Variants in DDIT3 observed in about 807,000 individuals in gnomAD.
DDIT3 encodes DNA damage-inducible transcript 3 protein.
DDIT3 carries 14 observed loss-of-function variants against 17.6 expected under a neutral mutation model. That is an observed-to-expected ratio of 0.80 (90% CI 0.53 to 1.25). The LOEUF is 1.25. Among genes scored for constraint, DDIT3 ranks in the 50% most tolerant of loss-of-function variants. The pLI, the probability that DDIT3 is intolerant of heterozygous loss-of-function variation, is 0.00. For synonymous variants in DDIT3, 93 were observed against 76.5 expected (o/e 1.22, Z -1.13); for missense variants, 216 against 202.7 (o/e 1.07, Z -0.40).
chr12:57,517,649 TA>T (rs1343836284), intron 2 of DDIT3, 56 bp downstream of exon 2: 3 of 609,902 alleles, frequency 4.9e-6, no homozygotes, highest in Non-Finnish European at 8.6e-6. Context: ...TTTTAACATC[TA>T]AAATATTTAC....
intron 1 of DDIT3, 127 bp from the exon 2 acceptor site, chr12:57,517,880 G>A (rs1877994376): frequency 7.2e-6 from 3 of 413,988 alleles, no homozygotes; most frequent in South Asian, 1.8e-4. Flanking sequence ...AGGCTGAAGT[G>A]CAGTGGTGCG....
chr12:57,520,107 C>G (rs1268092028), intron 1 of DDIT3, among the ~76,000 whole-genome samples: 2 of 152,214 alleles, frequency 1.3e-5, no homozygotes, highest in Admixed American at 1.3e-4. Flanking sequence ...ACCTGCCTCC[C>G]CGCGGACAGG....
At position 57,516,805 on chromosome 12, in the gene DDIT3, T is replaced by C. The variant is rs971306627; in HGVS notation, c.*4A>G. ...CCAAGTGGGGGACTGATGCTCCCAA[T>C]TGTTCATGCTTGGTGCAGATTCACC... On this transcript the variant is annotated 3_prime_UTR_variant, in exon 4 of 4. Transcript: ENST00000346473. 6.8e-6 allele frequency: 11 copies of C among 1,608,110 alleles called. No individual in the cohort carries two copies. In the Admixed American group the frequency reaches 8.3e-5, roughly 12 times the overall value.
At chr12:57,519,358 T>C (rs528487530) in intron 1 of DDIT3, 5 of 383,612 alleles carry the variant, frequency 1.3e-5, no homozygotes, top group Non-Finnish European at 2.6e-5. Context: ...TTATATTTTG[T>C]TTACTGTAGG....
chr12:57,519,793 T>A (rs766925495), intron 1 of DDIT3, among the ~76,000 whole-genome samples: 1 of 152,190 alleles, frequency 6.6e-6, no homozygotes, highest in Admixed American at 6.5e-5. Context: ...CCAAATGGCC[T>A]CCTACACTTA....
At position 57,517,304 on chromosome 12, in the gene DDIT3, C is replaced by G. The variant is rs374855519; in HGVS notation, c.103G>C (p.Gly35Arg). ...LQEVLSSDEN[G>R]GTYVSPPGNE... ...CCAGGAGGTGAAACATAGGTACCCC[C>G]ATTTTCATCTGAAGACAGGACCTCT... Residue 35 changes from glycine to arginine, a missense_variant, in exon 3 of 4, where the codon GGG becomes CGG. By Grantham distance (125) the Gly-to-Arg change is moderately radical. Transcript: ENST00000346473. 5 of 1,614,008 alleles carry G rather than the reference C, an allele frequency of 3.1e-6. No homozygotes were observed. In the East Asian group the frequency reaches 1.1e-4, roughly 36 times the overall value.
In DDIT3 at chr12:57,516,796, T is replaced by C. The variant is rs1361004004; in HGVS notation, c.*13A>G. ...TAGTGTGGCCCAAGTGGGGGACTGATGCTCCCAATTGTTCATGCTTGGTGC... is the reference window on the plus strand; with the variant it reads ...TAGTGTGGCCCAAGTGGGGGACTGACGCTCCCAATTGTTCATGCTTGGTGC... On this transcript the variant is annotated 3_prime_UTR_variant, in exon 4 of 4. Coordinates refer to ENST00000346473, the MANE Select transcript of DDIT3 (RefSeq NM_004083.6). The C allele has an allele frequency of 1.9e-6, 3 of 1,605,374 alleles. No homozygotes were observed. The highest frequency in any genetic ancestry group is 2.2e-5 in the South Asian group (2 of 90,888).
Position 57,517,098 on chromosome 12 carries a change from G to C in DDIT3, c.221C>G (p.Thr74Arg). 6.2e-7 allele frequency: 1 copy of C among 1,614,140 alleles called. No individual in the cohort carries two copies. The highest frequency in any genetic ancestry group is 8.5e-7 in the Non-Finnish European group (1 of 1,180,000). Residue 74 changes from threonine to arginine, a missense_variant, in exon 4 of 4, where the codon ACA becomes AGA. Transcript: ENST00000346473. ...TEEEPEPAEV[T>R]STSQSPHSPD... ...AGAGTGAGGGCTCTGGGAGGTGCTTGTGACCTCTGCTGGTTCTGGCTCCTC... is the reference window on the plus strand; with the variant it reads ...AGAGTGAGGGCTCTGGGAGGTGCTTCTGACCTCTGCTGGTTCTGGCTCCTC...
intron 1 of DDIT3, among the ~76,000 whole-genome samples, chr12:57,518,508 G>T (rs530026464): frequency 3.5e-4 from 54 of 152,300 alleles, no homozygotes; most frequent in Middle Eastern, 6.8e-3. Flanking sequence ...AGGCACCTAA[G>T]ACTATGTGCA....
In DDIT3 at chr12:57,516,684, A is replaced by AGCCTTCCC. The variant is rs1440064593; in HGVS notation, c.*117_*124dup. On this transcript the variant is annotated 3_prime_UTR_variant, in exon 4 of 4. Transcript: ENST00000346473. The stretch of plus-strand genomic sequence containing the variant: ...GAGACCTTTCCTTTTGTCTACTCCA[A>AGCCTTCCC]GCCTTCCCCCTGCGTATGTGGGATT... 107 of 1,527,252 alleles carry AGCCTTCCC rather than the reference A, an allele frequency of 7.0e-5. No homozygotes were observed. In the Middle Eastern group the frequency reaches 1.3e-3, roughly 18 times the overall value. The allele number at this position is 1,527,252 out of a possible 1,614,324, so 94.6% of individuals were successfully genotyped here.
intron 1 of DDIT3, 67 bp from the exon 2 acceptor site, chr12:57,517,820 C>CT: frequency 2.4e-6 from 1 of 425,256 alleles, no homozygotes; most frequent in South Asian, 7.6e-5. Flanking sequence ...TTTTCTTTTT[C>CT]TTTTTTTCTT....
chr12:57,517,825 T>C, intron 1 of DDIT3, 72 bp from the exon 2 acceptor site: 1 of 430,038 alleles, frequency 2.3e-6, no homozygotes, highest in Non-Finnish European at 4.0e-6. Flanking sequence ...TTTTTCTTTT[T>C]TTCTTTCTTT....
rs1394985638 is a variant in DDIT3, at chr12:57,517,024, G to C, written c.295C>G (p.Gln99Glu). Reference protein sequence around the residue: ...SLAQEEEEEDQGRTRKRKQSG... With the variant: ...SLAQEEEEEDEGRTRKRKQSG... ...TGTTTCCGTTTCCTGGTTCTCCCTT[G>C]GTCTTCCTCCTCTTCCTCCTGAGCC... The change falls in exon 4 of 4, where the codon CAA (glutamine) becomes GAA (glutamate). Residue 99 changes from glutamine (Q) to glutamate (E), a missense_variant. Coordinates refer to ENST00000346473, the MANE Select transcript of DDIT3 (RefSeq NM_004083.6). 6.2e-7 allele frequency: 1 copy of C among 1,614,048 alleles called. No homozygotes were observed. The highest frequency in any genetic ancestry group is 8.5e-7 in the Non-Finnish European group (1 of 1,180,018).
At chr12:57,519,646 G>C (rs1000179989) in intron 1 of DDIT3, among the ~76,000 whole-genome samples, 2 of 152,204 alleles carry the variant, frequency 1.3e-5, no homozygotes, top group African/African-American at 4.8e-5. Context: ...ATCAGCAGTA[G>C]AGCCTCAGGT....
At position 57,516,812 on chromosome 12, in the gene DDIT3, T is replaced by C. The variant is rs1057229054; in HGVS notation, c.507A>G (p.Ala169=). 2.5e-6 allele frequency: 4 copies of C among 1,609,950 alleles called. 1 individual carries two copies. In the South Asian group the frequency reaches 3.3e-5, roughly 13 times the overall value. Residue 169 remains alanine, a synonymous_variant, in exon 4 of 4, where the codon GCA becomes GCG. Transcript: ENST00000346473. ...LIDRMVNLHQ[A] is the part of the protein sequence containing the mutation. ...GGGGACTGATGCTCCCAATTGTTCA[T>C]GCTTGGTGCAGATTCACCATTCGGT...
chr12:57,518,946 C>T (rs1033199763), intron 1 of DDIT3, among the ~76,000 whole-genome samples: 6 of 152,202 alleles, frequency 3.9e-5, no homozygotes, highest in African/African-American at 9.6e-5. Flanking sequence ...AGGTGTGAGC[C>T]ACCATGCCCG....
chr12:57,516,684 A>G lies in DDIT3; in HGVS notation c.*125T>C, dbSNP rs879162591. ...GAGACCTTTCCTTTTGTCTACTCCA[A>G]GCCTTCCCCCTGCGTATGTGGGATT... On this transcript the variant is annotated 3_prime_UTR_variant, in exon 4 of 4. Transcript: ENST00000346473. The G allele has an allele frequency of 6.5e-7, 1 of 1,527,254 alleles. No individual in the cohort carries two copies. The highest frequency in any genetic ancestry group is 2.1e-5 in the Admixed American group (1 of 46,736). 94.6% of individuals were successfully genotyped at this position (1,527,254 alleles called of 1,614,324 possible).
rs1877976113 is a variant in DDIT3 at position 57,517,700 on chromosome 12, G to C, written c.-33+6C>G. Reference sequence around the variant, plus strand: ...AAATTTTTGGAAAAGGGTAGGTTAAGTTTACCTGCTTTCAGGTGTGGTGAT... The same window carrying C: ...AAATTTTTGGAAAAGGGTAGGTTAACTTTACCTGCTTTCAGGTGTGGTGAT... On this transcript the variant is annotated splice_donor_region_variant and intron_variant, in intron 2 of 3. Transcript: ENST00000346473. 1.8e-6 allele frequency: 1 copy of C among 566,014 alleles called. No individual in the cohort carries two copies. The highest frequency in any genetic ancestry group is 1.9e-5 in the African/African-American group (1 of 53,394). The allele number at this position is 566,014 out of a possible 1,614,324, so 35.1% of individuals were successfully genotyped here.
At position 57,516,734 on chromosome 12, in the gene DDIT3, G is replaced by T; in HGVS notation, c.*75C>A. 1 of 1,561,624 alleles carries T rather than the reference G, an allele frequency of 6.4e-7. No individual in the cohort carries two copies. The highest frequency in any genetic ancestry group is 1.2e-5 in the South Asian group (1 of 82,300). ...TGAGGGTCACATCATTGGCACTAGT[G>T]AGAGGGTAGTCAGTAGCCACTTCTG... is the stretch of plus-strand genomic sequence containing the variant. On this transcript the variant is annotated 3_prime_UTR_variant, in exon 4 of 4. Transcript: ENST00000346473.
Sources: gnomAD v4.1 joint callset for allele counts (sites outside exome capture counted in the v4.1 genomes callset) on GRCh38, gnomAD v4.1.1 for gene constraint, MANE v1.5 for transcripts, NCBI Gene and HGNC (gene_info 2026-07-23, HGNC 2026-07-21) for gene names.